The following GDPD5 variants were observed in gnomAD, a reference collection of about 807,000 sequenced individuals.
GDPD5 encodes the protein glycerophosphodiester phosphodiesterase domain containing 5, also known as glycerophosphodiester phosphodiesterase 2.
A neutral mutation model predicts 75.1 loss-of-function variants in GDPD5; 48 were observed. The observed-to-expected ratio is 0.64, with a 90% confidence interval of 0.51 to 0.81. GDPD5 has a LOEUF of 0.81. Ranked by LOEUF, GDPD5 falls within the 40% of genes least tolerant of loss-of-function variation. The probability of loss-of-function intolerance (pLI) is 0.00; values close to 1 mark genes in which losing one functional copy is unlikely to be tolerated. For synonymous variants in GDPD5, 336 were observed against 339.0 expected, an observed-to-expected ratio of 0.99 and a Z score of 0.10; for missense variants, 706 against 822.6, an observed-to-expected ratio of 0.86 and a Z score of 1.73.
intron 1 of GDPD5, among the ~76,000 whole-genome samples, chr11:75,494,171 A>T (rs1461589093): frequency 6.6e-6 from 1 of 151,972 alleles, no homozygotes; most frequent in Non-Finnish European, 1.5e-5. Context: ...GAAAACATAC[A>T]ATAAATTTTC....
rs761633624 is a variant in GDPD5, at chr11:75,437,028, C to T, written c.1577G>A (p.Arg526Gln). Reference protein sequence around the residue: ...VLQKWRLGGIRSYNPEQIMLS... With the variant: ...VLQKWRLGGIQSYNPEQIMLS... ...CATGATCTGCTCAGGGTTGTAGCTC[C>T]GTATGCCACCCAGGCGCCACCTGCA... Residue 526 changes from arginine to glutamine, a missense_variant, in exon 16 of 17, where the codon CGG (arginine) becomes CAG (glutamine). Arg to Gln is a conservative substitution (Grantham distance 43). Coordinates refer to ENST00000336898, the MANE Select transcript of GDPD5 (RefSeq NM_030792.8). The T allele has an allele frequency of 7.4e-6, 12 of 1,613,196 alleles. No homozygotes were observed. Among genetic ancestry groups the T allele is most frequent in the South Asian group, 1.1e-5 (1 of 91,080 alleles).
At chr11:75,451,392 C>T (rs1208772018) in intron 6 of GDPD5, 2 of 152,298 alleles carry the variant, frequency 1.3e-5, no homozygotes, top group Non-Finnish European at 2.9e-5. Context: ...GCACGAGCAT[C>T]CTCATCTCAC....
At chr11:75,441,030 G>A in intron 14 of GDPD5, 133 bp downstream of exon 14, 2 of 850,146 alleles carry the variant, frequency 2.4e-6, no homozygotes, top group Non-Finnish European at 3.7e-6. Context: ...AAGCCTGCAC[G>A]CCCACCATGG....
rs138201146 is a variant in GDPD5, at chr11:75,441,223, T to A, written c.1413A>T (p.Pro471=). Residue 471 remains proline, a synonymous_variant, in exon 14 of 17, where the codon CCA becomes CCT. Coordinates refer to ENST00000336898, the MANE Select transcript of GDPD5 (RefSeq NM_030792.8). ...CGTGGGAGTTGTCAGAGGTGACGGATGGGACCCCCGCACACCACAGCAGGG... is the reference window on the plus strand; with the variant it reads ...CGTGGGAGTTGTCAGAGGTGACGGAAGGGACCCCCGCACACCACAGCAGGG... The part of the protein sequence containing the change: ...LFSLLWCAGV[P]SVTSDNSHAL... 29 of 1,613,998 alleles carry A rather than the reference T, an allele frequency of 1.8e-5. No individual in the cohort carries two copies. The African/African-American group carries it at 3.1e-4, about 17-fold the overall frequency.
chr11:75,472,947 C>G (rs1949701051), intron 3 of GDPD5, among the ~76,000 whole-genome samples: 1 of 151,698 alleles, frequency 6.6e-6, no homozygotes, highest in Non-Finnish European at 1.5e-5. Context: ...TATTTTTTGG[C>G]AGAAGTTGGG....
chr11:75,444,176 T>G (rs1023816605), intron 10 of GDPD5, among the ~76,000 whole-genome samples: 1 of 152,196 alleles, frequency 6.6e-6, no homozygotes, highest in African/African-American at 2.4e-5. Context: ...TCATCTATTT[T>G]TCCCTTCAAG....
rs1948654698 is a variant in GDPD5, at chr11:75,437,401, G to A, written c.1557-353C>T. On this transcript the variant is annotated intron_variant, in intron 15 of 16. Coordinates refer to ENST00000336898, the MANE Select transcript of GDPD5 (RefSeq NM_030792.8). ...GGAGGAGCTTAGTAGGCACGACTCT[G>A]TTGACCTAAGCTGGGGCACACACCA... The A allele has an allele frequency of 1.2e-5, 3 of 247,554 alleles. No individual in the cohort carries two copies. The East Asian group carries it at 2.8e-4, about 23-fold the overall frequency. 15.3% of individuals were successfully genotyped at this position (247,554 alleles called of 1,614,324 possible). A position where few individuals can be genotyped will look rare whatever the true frequency, so the allele number is the denominator to read the frequency against.
At chr11:75,443,021 G>T in intron 11 of GDPD5, 115 bp downstream of exon 11, 1 of 1,251,830 alleles carries the variant, frequency 8.0e-7, no homozygotes, top group Non-Finnish European at 1.1e-6. Context: ...GGTGGAGGTC[G>T]CGAAAGCTCT....
In GDPD5 at chr11:75,444,489, G is replaced by T. The variant is rs1298273220; in HGVS notation, c.721C>A (p.Pro241Thr). Residue 241 changes from proline to threonine, a missense_variant, in exon 10 of 17, where the codon CCA becomes ACA. Coordinates refer to ENST00000336898, the MANE Select transcript of GDPD5 (RefSeq NM_030792.8). ...CGGAAGGACATGAGCGTGTGCTCTGGAGCCAGCTGGGGAAGAAGGGGTGGT... is the reference window on the plus strand; with the variant it reads ...CGGAAGGACATGAGCGTGTGCTCTGTAGCCAGCTGGGGAAGAAGGGGTGGT... Reference protein sequence around the residue: ...IGHRGAPMLAPEHTLMSFRKA... With the variant: ...IGHRGAPMLATEHTLMSFRKA... 6.2e-7 allele frequency: 1 copy of T among 1,613,342 alleles called. No individual in the cohort carries two copies. The highest frequency in any genetic ancestry group is 1.7e-5 in the Admixed American group (1 of 60,018).
intron 1 of GDPD5, among the ~76,000 whole-genome samples, chr11:75,492,990 A>G (rs1315848343): frequency 6.6e-6 from 1 of 152,118 alleles, no homozygotes; most frequent in African/African-American, 2.4e-5. Context: ...TTGGCCTCCC[A>G]AAGTGCTGGG....
At chr11:75,449,798 C>CT (rs1949090677) in intron 7 of GDPD5, 87 bp downstream of exon 7, 1 of 1,450,140 alleles carries the variant, frequency 6.9e-7, no homozygotes, top group African/African-American at 1.4e-5. Flanking sequence ...GGGCGCCTCC[C>CT]TGCCCTTCTT....
intron 1 of GDPD5, among the ~76,000 whole-genome samples, chr11:75,513,903 C>A (rs910899646): frequency 1.3e-5 from 2 of 152,258 alleles, no homozygotes; most frequent in African/African-American, 4.8e-5. Context: ...GCCCAGGTGC[C>A]ATGGGAGCTG....
At chr11:75,439,755 C>T (rs1948733649) in intron 15 of GDPD5, 124 bp downstream of exon 15, 2 of 783,886 alleles carry the variant, frequency 2.6e-6, no homozygotes, top group Non-Finnish European at 4.4e-6. Context: ...GTCCGTCCTT[C>T]TTCCCTGGTC....
rs1227983568 is a variant in GDPD5, at chr11:75,525,604, G to A, written c.-539C>T. The A allele has an allele frequency of 2.0e-5, 3 of 152,020 alleles. No homozygotes were observed. Among genetic ancestry groups the A allele is most frequent in the South Asian group, 2.1e-4 (1 of 4,832 alleles). The allele number at this position is 152,020 out of a possible 1,614,324, so 9.4% of individuals were successfully genotyped here. ...ACCACGGACCGGTACGGCGGCGTTA[G>A]GAGCGTCCCGTCCCGGCGCAGCGGG... is the stretch of plus-strand genomic sequence containing the variant. On this transcript the variant is annotated 5_prime_UTR_variant, in exon 1 of 17. Coordinates refer to ENST00000336898, the MANE Select transcript of GDPD5 (RefSeq NM_030792.8).
At chr11:75,468,679 G>GGC (rs767695680) in intron 3 of GDPD5, among the ~76,000 whole-genome samples, 1 of 144,458 alleles carries the variant, frequency 6.9e-6, no homozygotes, top group Non-Finnish European at 1.5e-5. Context: ...CTCCCCCGAC[G>GGC]CCCCCCCCCC....
intron 1 of GDPD5, among the ~76,000 whole-genome samples, chr11:75,495,584 A>T (rs1380211362): frequency 6.6e-6 from 1 of 152,226 alleles, no homozygotes; most frequent in African/African-American, 2.4e-5. Context: ...TATCACTCGC[A>T]GTCAAATAAA....
rs775416335 is a variant in GDPD5 at position 75,477,676 on chromosome 11, C to T, written c.60G>A (p.Thr20=). The stretch of plus-strand genomic sequence containing the variant: ...GCTTCCAACGGCAGCCGTAGATGCC[C>T]GTGAGGCAGGAGAGGCACAGCTGTG... ...YEPQLCLSCL[T]GIYGCRWKRY... The change falls in exon 3 of 17, where the codon ACG becomes ACA. Residue 20 remains threonine, a synonymous_variant. Coordinates refer to ENST00000336898, the MANE Select transcript of GDPD5 (RefSeq NM_030792.8). 3.7e-6 allele frequency: 6 copies of T among 1,600,398 alleles called. No individual in the cohort carries two copies. Among genetic ancestry groups the T allele is most frequent in the Admixed American group, 1.7e-5 (1 of 59,660 alleles).
chr11:75,435,477 C>CA lies in GDPD5; in HGVS notation c.*29dup. ...CTCCTAGGCTCCCCAGCTTCTGTGT[C>CA]AGGTACAGGTGGGACAGACATGTCT... On this transcript the variant is annotated 3_prime_UTR_variant, in exon 17 of 17. Transcript: ENST00000336898. 1 of 1,544,268 alleles carries CA rather than the reference C, an allele frequency of 6.5e-7. No individual in the cohort carries two copies. The highest frequency in any genetic ancestry group is 1.2e-5 in the South Asian group (1 of 80,984).
intron 1 of GDPD5, among the ~76,000 whole-genome samples, chr11:75,524,924 G>A (rs1941608020): frequency 6.6e-6 from 1 of 152,202 alleles, no homozygotes; most frequent in South Asian, 2.1e-4. Context: ...AGGTCACTCA[G>A]CCCCGTTAAG....
Sources: allele counts gnomAD v4.1 joint callset (sites outside exome capture counted in the v4.1 genomes callset), GRCh38; gene constraint gnomAD v4.1.1; transcripts MANE v1.5; gene names NCBI Gene and HGNC (gene_info 2026-07-23, HGNC 2026-07-21).